PHACTR1: variants seen among roughly 807,000 people sequenced by gnomAD.
PHACTR1 encodes the protein RPEL repeat containing 1.
A neutral mutation model predicts 69.2 loss-of-function variants in PHACTR1; 16 were observed. The ratio of observed to expected loss-of-function variants is 0.23; its 90% confidence interval spans 0.16 to 0.35. PHACTR1 has a LOEUF of 0.35. PHACTR1 is among the 10% of genes least tolerant of loss of function. The pLI, the probability that PHACTR1 is intolerant of heterozygous loss-of-function variation, is 1.00. For missense variants in PHACTR1, 510 were observed against 734.7 expected (o/e 0.69, Z 3.54); for synonymous variants, 312 against 284.5 (o/e 1.10, Z -0.97).
intron 3 of PHACTR1, among the ~76,000 whole-genome samples, chr6:12,741,089 C>A (rs1581526605): frequency 6.6e-6 from 1 of 151,888 alleles, no homozygotes; most frequent in African/African-American, 2.4e-5. Flanking sequence ...TAGAAACTTA[C>A]ATTATTGATT....
chr6:13,219,802 G>A (rs918131795), intron 8 of PHACTR1, among the ~76,000 whole-genome samples: 7 of 152,200 alleles, frequency 4.6e-5, no homozygotes, highest in Non-Finnish European at 7.4e-5. Flanking sequence ...TATAGTCCAC[G>A]GTTTTTAAAA....
At chr6:12,915,575 G>T (rs1786897411) in intron 4 of PHACTR1, among the ~76,000 whole-genome samples, 2 of 148,786 alleles carry the variant, frequency 1.3e-5, no homozygotes, top group Admixed American at 1.3e-4. Context: ...TGTCCCTCCA[G>T]TACCCTCCAT....
At chr6:13,034,095 C>A (rs933202574) in intron 4 of PHACTR1, among the ~76,000 whole-genome samples, 1 of 151,970 alleles carries the variant, frequency 6.6e-6, no homozygotes, top group African/African-American at 2.4e-5. Flanking sequence ...CGGCTCACTG[C>A]AGGCTCCGCC....
intron 4 of PHACTR1, among the ~76,000 whole-genome samples, chr6:13,045,724 T>C (rs953969680): frequency 1.3e-4 from 20 of 152,230 alleles, no homozygotes; most frequent in African/African-American, 4.8e-4. Flanking sequence ...GCATTGTATG[T>C]CAGCACAGTG....
chr6:12,791,373 C>T (rs1357438272), intron 4 of PHACTR1, among the ~76,000 whole-genome samples: 1 of 152,142 alleles, frequency 6.6e-6, no homozygotes, highest in East Asian at 1.9e-4. Flanking sequence ...GGAAATAGAT[C>T]AGCCCAATAG....
chr6:12,957,573 G>A (rs1792051413), intron 4 of PHACTR1: 1 of 985,690 alleles, frequency 1.0e-6, no homozygotes, highest in Non-Finnish European at 1.2e-6. Flanking sequence ...CCCACCGGCT[G>A]GAGGCTGCCA....
intron 8 of PHACTR1, among the ~76,000 whole-genome samples, chr6:13,218,062 G>T (rs553729331): frequency 6.6e-6 from 1 of 152,144 alleles, no homozygotes; most frequent in Non-Finnish European, 1.5e-5. Flanking sequence ...CCTTTGAGGA[G>T]ATTAATGTCT....
At chr6:13,063,611 A>AC (rs1554118667) in intron 5 of PHACTR1, among the ~76,000 whole-genome samples, 2,530 of 84,816 alleles carry the variant, frequency 0.03, 59 homozygotes, top group African/African-American at 0.085. Context: ...CCATTACCAC[A>AC]AAAAAAAAAA....
At chr6:13,067,815 G>A (rs1190122880) in intron 5 of PHACTR1, among the ~76,000 whole-genome samples, 1 of 152,114 alleles carries the variant, frequency 6.6e-6, no homozygotes, top group Non-Finnish European at 1.5e-5. Flanking sequence ...GGCTAGATAG[G>A]CACAGAAATA....
chr6:13,059,840 T>C (rs1807414582), intron 5 of PHACTR1, among the ~76,000 whole-genome samples: 2 of 152,018 alleles, frequency 1.3e-5, no homozygotes, highest in Admixed American at 1.3e-4. Flanking sequence ...CAGTTGAATA[T>C]GTGGAATGAA....
chr6:13,198,136 A>C (rs879905927), intron 7 of PHACTR1, among the ~76,000 whole-genome samples: 1 of 152,264 alleles, frequency 6.6e-6, no homozygotes, highest in Non-Finnish European at 1.5e-5. Flanking sequence ...TTGGGTATCT[A>C]CTATGCACTA....
At chr6:13,247,693 T>C (rs1773782955) in intron 10 of PHACTR1, among the ~76,000 whole-genome samples, 2 of 152,056 alleles carry the variant, frequency 1.3e-5, no homozygotes, top group African/African-American at 4.8e-5. Flanking sequence ...CATCTTCCTA[T>C]ACACTAACAT....
intron 5 of PHACTR1, among the ~76,000 whole-genome samples, chr6:13,127,119 G>A (rs1027631964): frequency 6.6e-6 from 1 of 152,198 alleles, no homozygotes; most frequent in Non-Finnish European, 1.5e-5. Flanking sequence ...TTAATTGGGT[G>A]GAGAAGTGGC....
At chr6:13,064,784 C>T (rs979464700) in intron 5 of PHACTR1, among the ~76,000 whole-genome samples, 20 of 149,834 alleles carry the variant, frequency 1.3e-4, no homozygotes, top group South Asian at 6.3e-4. Context: ...TGGCATGAGG[C>T]CCAGTCACAA....
intron 12 of PHACTR1, chr6:13,279,211 T>C (rs1225136868): frequency 6.6e-6 from 1 of 152,212 alleles, no homozygotes; most frequent in Admixed American, 6.5e-5. Context: ...AATAGATGGT[T>C]TGGCAATGCA....
At chr6:13,059,313 G>T (rs577047416) in intron 5 of PHACTR1, among the ~76,000 whole-genome samples, 1 of 152,180 alleles carries the variant, frequency 6.6e-6, no homozygotes, top group Admixed American at 6.5e-5. Flanking sequence ...GAAATGGGAA[G>T]TTGTTTCTTA....
chr6:13,245,589 T>C lies in PHACTR1; in HGVS notation c.1391+15396T>C, dbSNP rs1773481384. On this transcript the variant is annotated intron_variant, in intron 10 of 14. Coordinates refer to ENST00000332995, the MANE Select transcript of PHACTR1 (RefSeq NM_030948.6). The surrounding 1 kb of genome is among the most constrained non-coding windows in gnomAD (Gnocchi z 4.1). ...TTGGACGTATAGTTTGCAAATATTT[T>C]CTCCCATTCTGTAGCTTGTCTGTTT... Among the ~76,000 whole-genome samples the C allele has an allele frequency of 6.6e-6, 1 of 152,220 alleles. No individual in the cohort carries two copies. Among genetic ancestry groups the C allele is most frequent in the Non-Finnish European group, 1.5e-5 (1 of 68,038 alleles).
chr6:12,750,160 C>T (rs1021953139), intron 4 of PHACTR1, among the ~76,000 whole-genome samples: 1 of 152,174 alleles, frequency 6.6e-6, no homozygotes, highest in Non-Finnish European at 1.5e-5. Context: ...GCGGCTACTA[C>T]GGGGTGGAAC....
intron 4 of PHACTR1, among the ~76,000 whole-genome samples, chr6:12,768,109 C>CTTTT (rs781107897): frequency 4.8e-4 from 52 of 107,590 alleles, no homozygotes; most frequent in African/African-American, 6.5e-4. Flanking sequence ...CTATCAAATC[C>CTTTT]TTTTTTTTTT....
Sources: gnomAD v4.1 joint callset for allele counts (sites outside exome capture counted in the v4.1 genomes callset) on GRCh38, gnomAD v4.1.1 for gene constraint, Gnocchi (gnomAD v3.1) non-coding constraint, MANE v1.5 for transcripts, NCBI Gene and HGNC (gene_info 2026-07-23, HGNC 2026-07-21) for gene names.